Variants in LARGE1 observed in about 807,000 individuals in gnomAD.
The protein encoded by LARGE1 is LARGE xylosyl- and glucuronyltransferase 1.
Under a neutral mutation model 87.6 loss-of-function variants are expected in LARGE1, and 43 were observed. The ratio of observed to expected loss-of-function variants is 0.49; its 90% confidence interval spans 0.38 to 0.63. The LOEUF (loss-of-function observed/expected upper bound fraction) is 0.63, where lower values mean the gene tolerates loss of function less well. Ranked by LOEUF, LARGE1 falls within the 30% of genes least tolerant of loss-of-function variation. LARGE1 has a pLI of 0.00. For synonymous variants in LARGE1, 434 were observed against 394.6 expected, an observed-to-expected ratio of 1.10 and a Z score of -1.18; for missense variants, 802 against 1,000.2, an observed-to-expected ratio of 0.80 and a Z score of 2.67.
At chr22:33,502,789 G>C (rs965678755) in intron 6 of LARGE1, among the ~76,000 whole-genome samples, 2 of 152,046 alleles carry the variant, frequency 1.3e-5, no homozygotes, top group South Asian at 4.1e-4. Flanking sequence ...GGATGGTCTC[G>C]ATCTCTTGAC....
At chr22:33,417,916 ACT>A (rs1454976326) in intron 7 of LARGE1, among the ~76,000 whole-genome samples, 2 of 151,136 alleles carry the variant, frequency 1.3e-5, no homozygotes, top group African/African-American at 4.9e-5. Context: ...TTCCCCTTTG[ACT>A]CTATCTCTTC....
chr22:33,370,977 T>C (rs2064787915), intron 9 of LARGE1, among the ~76,000 whole-genome samples: 1 of 150,006 alleles, frequency 6.7e-6, no homozygotes, highest in Admixed American at 6.7e-5. Context: ...TATGTCTACA[T>C]AGTAAAATCT....
intron 1 of LARGE1, among the ~76,000 whole-genome samples, chr22:33,857,252 A>G (rs2063781828): frequency 6.6e-6 from 1 of 152,228 alleles, no homozygotes; most frequent in African/African-American, 2.4e-5. Context: ...TTCATGGGGC[A>G]GACAGATTAG....
chr22:33,554,570 C>A (rs1018364548), intron 6 of LARGE1, among the ~76,000 whole-genome samples: 52 of 152,194 alleles, frequency 3.4e-4, no homozygotes, highest in African/African-American at 1.2e-3. Context: ...CATCTCTAAT[C>A]TGCATCCCTT....
intron 11 of LARGE1, among the ~76,000 whole-genome samples, chr22:33,243,572 A>G (rs1370052286): frequency 6.6e-6 from 1 of 152,234 alleles, no homozygotes. Flanking sequence ...TATGTGTATC[A>G]GTAATTTTTT....
chr22:33,456,884 G>C (rs2068151858), intron 6 of LARGE1, among the ~76,000 whole-genome samples: 1 of 152,216 alleles, frequency 6.6e-6, no homozygotes, highest in African/African-American at 2.4e-5. Context: ...GGGAACAGGA[G>C]ATATGATCAA....
chr22:33,635,160 G>A (rs1164702893), intron 3 of LARGE1, among the ~76,000 whole-genome samples: 2 of 151,846 alleles, frequency 1.3e-5, no homozygotes, highest in Non-Finnish European at 1.5e-5. Context: ...GGCCAATCTG[G>A]AGATTCACTC....
chr22:33,512,707 G>A (rs2071113695), intron 6 of LARGE1, among the ~76,000 whole-genome samples: 1 of 152,196 alleles, frequency 6.6e-6, no homozygotes, highest in African/African-American at 2.4e-5. Context: ...GGAGGCTGAG[G>A]CAGGATAATC....
At chr22:33,611,114 G>A (rs1004246089) in intron 4 of LARGE1, among the ~76,000 whole-genome samples, 2 of 152,250 alleles carry the variant, frequency 1.3e-5, no homozygotes, top group African/African-American at 2.4e-5. Flanking sequence ...TGTTCTATTA[G>A]GGCAGTGCTT....
chr22:33,160,877 G>A (rs1922000062), downstream of LARGE1, among the ~76,000 whole-genome samples: 1 of 152,388 alleles, frequency 6.6e-6, no homozygotes, highest in African/African-American at 2.4e-5. Context: ...AGATCTCCCA[G>A]GATGAAAGTA....
At chr22:33,514,581 G>A (rs906131844) in intron 6 of LARGE1, among the ~76,000 whole-genome samples, 5 of 152,158 alleles carry the variant, frequency 3.3e-5, no homozygotes, top group Admixed American at 1.3e-4. Context: ...AAGTATGCAG[G>A]AGATGTGCAT....
chr22:33,334,342 C>T (rs1938136605), intron 10 of LARGE1, among the ~76,000 whole-genome samples: 1 of 136,726 alleles, frequency 7.3e-6, no homozygotes, highest in South Asian at 2.4e-4. Context: ...ACCGGAGAGG[C>T]GGAGGTTACA....
intron 1 of LARGE1, among the ~76,000 whole-genome samples, chr22:33,855,896 G>T (rs545963947): frequency 6.6e-6 from 1 of 152,220 alleles, no homozygotes; most frequent in African/African-American, 2.4e-5. Flanking sequence ...CTCTTCACAT[G>T]CCCCCTTTTT....
At chr22:33,106,433 C>CCACTCT in the LARGE1 span, among the ~76,000 whole-genome samples, 146 of 151,936 alleles carry the variant, frequency 9.6e-4, no homozygotes, top group Non-Finnish European at 1.9e-3. Flanking sequence ...GGGCTTTAGC[C>CCACTCT]GGAAATTCAA....
At chr22:33,628,242 T>C (rs995702389) in intron 3 of LARGE1, among the ~76,000 whole-genome samples, 2 of 152,110 alleles carry the variant, frequency 1.3e-5, no homozygotes, top group Non-Finnish European at 2.9e-5. Context: ...GGTACAGTAT[T>C]ATCATTTTAG....
chr22:33,372,044 T>C (rs185883289), intron 9 of LARGE1, among the ~76,000 whole-genome samples: 15 of 152,008 alleles, frequency 9.9e-5, no homozygotes, highest in African/African-American at 3.6e-4. Flanking sequence ...GGAATAAATG[T>C]TTATAAAATA....
rs940688624 is a variant in LARGE1 at position 33,385,363 on chromosome 22, T to C, written c.893-1059A>G. On this transcript the variant is annotated intron_variant, in intron 7 of 14. Coordinates refer to ENST00000397394, the MANE Select transcript of LARGE1 (RefSeq NM_133642.5). The stretch of plus-strand genomic sequence containing the variant: ...GGCCAACATGGTGAAACCCCATCTC[T>C]ACTAAAAATGCAAAATTAGCTGGGT... 2.0e-5 allele frequency among the ~76,000 whole-genome samples: 3 copies of C among 146,928 alleles called. 1 individual carries two copies. The highest frequency in any genetic ancestry group is 7.4e-5 in the African/African-American group (3 of 40,610).
Position 33,824,609 on chromosome 22 carries a change from A to G in LARGE1, c.-82-63051T>C, listed in dbSNP as rs544871492. 8.5e-5 allele frequency among the ~76,000 whole-genome samples: 13 copies of G among 152,284 alleles called. No homozygotes were observed. The East Asian group carries it at 2.3e-3, about 27-fold the overall frequency. On this transcript the variant is annotated intron_variant, in intron 1 of 14. Transcript: ENST00000397394. ...CATTCATGTTATTCCTTTCACCTGT[A>G]GACATTCATTGAGGACCTGTGCTGG...
intron 3 of LARGE1, among the ~76,000 whole-genome samples, chr22:33,649,779 GGTATT>G (rs2080735528): frequency 1.3e-5 from 2 of 152,316 alleles, no homozygotes; most frequent in East Asian, 3.9e-4. Flanking sequence ...CGTGGATGCA[GGTATT>G]TGAGGAAATA....
Sources: gnomAD v4.1 joint callset for allele counts (sites outside exome capture counted in the v4.1 genomes callset) on GRCh38, gnomAD v4.1.1 for gene constraint, MANE v1.5 for transcripts, NCBI Gene and HGNC (gene_info 2026-07-23, HGNC 2026-07-21) for gene names.